Variants in WNK2 observed in about 807,000 individuals in gnomAD.
WNK2 encodes WNK lysine deficient protein kinase 2, also known as serine/threonine-protein kinase WNK2.
A neutral mutation model predicts 192.1 loss-of-function variants in WNK2; 67 were observed. The observed-to-expected ratio is 0.35, with a 90% CI of 0.29 to 0.43. The LOEUF is 0.43. Among genes scored for constraint, WNK2 ranks in the 20% least tolerant of loss-of-function variants. The probability of loss-of-function intolerance (pLI) is 1.00; values close to 1 mark genes in which losing one functional copy is unlikely to be tolerated. For missense variants in WNK2, 2,698 were observed against 3,089.7 expected (o/e 0.87, Z 3.01); for synonymous variants, 1,439 against 1,393.9 (o/e 1.03, Z -0.72).
chr9:93,216,994 C>T (rs1213276565), intron 2 of WNK2, among the ~76,000 whole-genome samples: 1 of 151,162 alleles, frequency 6.6e-6, no homozygotes, highest in African/African-American at 2.4e-5. Context: ...AAGTCTTGCT[C>T]TGTTGCCAGG....
intron 2 of WNK2, among the ~76,000 whole-genome samples, chr9:93,211,267 C>CACACACTCGCACATTT (rs1834609460): frequency 1.1e-5 from 1 of 93,552 alleles, no homozygotes; most frequent in African/African-American, 3.8e-5. Flanking sequence ...TTCACTCATT[C>CACACACTCGCACATTT]ACTCACTCAT....
At chr9:93,226,495 C>T (rs2131927574) in intron 2 of WNK2, among the ~76,000 whole-genome samples, 1 of 151,938 alleles carries the variant, frequency 6.6e-6, no homozygotes, top group East Asian at 1.9e-4. Context: ...GGGTGATTTA[C>T]ATATAATGAA....
intron 7 of WNK2, among the ~76,000 whole-genome samples, chr9:93,242,843 C>T (rs1343459317): frequency 6.6e-6 from 1 of 152,146 alleles, no homozygotes; most frequent in African/African-American, 2.4e-5. Context: ...GAGGTCTGGG[C>T]CAAGGGCAAG....
intron 16 of WNK2, among the ~76,000 whole-genome samples, chr9:93,266,222 G>C (rs998871277): frequency 6.6e-6 from 1 of 152,190 alleles, no homozygotes; most frequent in Admixed American, 6.5e-5. Context: ...CTGTCTTTCT[G>C]TGAGTGTGAG....
chr9:93,201,337 G>A (rs1281009333), intron 2 of WNK2, among the ~76,000 whole-genome samples: 3 of 152,268 alleles, frequency 2.0e-5, no homozygotes, highest in African/African-American at 7.2e-5. Flanking sequence ...GGGGAGTGGG[G>A]ATGGGTCCAG....
chr9:93,316,712 T>A (rs1251315995), intron 28 of WNK2: 2 of 152,328 alleles, frequency 1.3e-5, no homozygotes, highest in East Asian at 1.9e-4. Flanking sequence ...TCCTTCTCTC[T>A]GTCCAGTCTG....
At chr9:93,279,440 T>C (rs1020411122) in intron 19 of WNK2, among the ~76,000 whole-genome samples, 2 of 152,144 alleles carry the variant, frequency 1.3e-5, no homozygotes, top group African/African-American at 4.8e-5. Context: ...TTAAAGAAGA[T>C]CCAAACAAGC....
chr9:93,243,214 C>G (rs754415056), intron 7 of WNK2, among the ~76,000 whole-genome samples: 4 of 152,184 alleles, frequency 2.6e-5, no homozygotes, highest in Admixed American at 1.3e-4. Flanking sequence ...GCCTTTCTAG[C>G]TGCTCCGAAG....
At chr9:93,217,537 G>T (rs1008302841) in intron 2 of WNK2, among the ~76,000 whole-genome samples, 4 of 152,208 alleles carry the variant, frequency 2.6e-5, no homozygotes, top group African/African-American at 9.7e-5. Flanking sequence ...GGCTCTTGCC[G>T]CCAGTTCTGG....
rs1379514631 is a variant in WNK2, at chr9:93,247,784, A to T, written c.1784A>T (p.Asp595Val). 4 of 1,547,974 alleles carry T rather than the reference A, an allele frequency of 2.6e-6. No homozygotes were observed. The highest frequency in any genetic ancestry group is 3.5e-6 in the Non-Finnish European group (4 of 1,148,612). ...GPPEPEEPEA[D>V]QHLLPPTLPT... is the part of the protein sequence containing the mutation. Reference sequence around the variant, plus strand: ...CCAGAGCCCGAGGAGCCGGAGGCCGACCAGCACCTCCTGCCACCTACGTTG... The same window carrying T: ...CCAGAGCCCGAGGAGCCGGAGGCCGTCCAGCACCTCCTGCCACCTACGTTG... Residue 595 changes from aspartate (D) to valine (V), a missense_variant, in exon 8 of 30, where the codon GAC (aspartate) becomes GTC (valine). Around this residue, in one of 7 missense-constraint regions of WNK2, gnomAD observed 893 missense variants for 909.0 expected, o/e 0.98. Transcript: ENST00000427277. This position sits in a 1 kb window ranked among gnomAD's most constrained non-coding sequence, Gnocchi z 5.2.
intron 25 of WNK2, among the ~76,000 whole-genome samples, chr9:93,299,587 T>C (rs1018680247): frequency 1.3e-5 from 2 of 152,088 alleles, no homozygotes; most frequent in Admixed American, 1.3e-4. Context: ...TCCCAGGCAC[T>C]GGCTGCCCCA....
chr9:93,185,253 C>G lies in WNK2; in HGVS notation c.324C>G (p.Pro108=), dbSNP rs1445109864. 2 of 1,261,450 alleles carry G rather than the reference C, an allele frequency of 1.6e-6. No homozygotes were observed. Among genetic ancestry groups the G allele is most frequent in the African/African-American group, 3.2e-5 (2 of 63,412 alleles). The allele number at this position is 1,261,450 out of a possible 1,614,324, so 78.1% of individuals were successfully genotyped here. A position where few individuals can be genotyped will look rare whatever the true frequency, so the allele number is the denominator to read the frequency against. The change falls in exon 2 of 30, where the codon CCC becomes CCG. Residue 108 remains proline (P), a synonymous_variant. Coordinates refer to ENST00000427277, the MANE Select transcript of WNK2 (RefSeq NM_006648.4). ...CGCTGGTAGCGCAGCCGGGAGCCCC[C>G]GGAGCCCCCGCGGACGCCGGCCCCG... is the stretch of plus-strand genomic sequence containing the variant. ...PAALVAQPGA[P]GAPADAGPEP... is the part of the protein sequence containing the mutation.
Position 93,247,151 on chromosome 9 carries a change from C to T in WNK2, c.1543-392C>T, listed in dbSNP as rs576703176. Among the ~76,000 whole-genome samples, 3 of 152,354 alleles carry T rather than the reference C, an allele frequency of 2.0e-5. No homozygotes were observed. Among genetic ancestry groups the T allele is most frequent in the East Asian group, 1.9e-4 (1 of 5,184 alleles). On this transcript the variant is annotated intron_variant, in intron 7 of 29. Coordinates refer to ENST00000427277, the MANE Select transcript of WNK2 (RefSeq NM_006648.4). The surrounding 1 kb of genome is among the most constrained non-coding windows in gnomAD (Gnocchi z 5.2). ...CTTTGGGCAGCCCCAGACTCAGAGA[C>T]GTTTCAGGAAAATGCTAGCTCCAAA...
intron 2 of WNK2, among the ~76,000 whole-genome samples, chr9:93,227,034 G>C (rs1209375086): frequency 6.6e-6 from 1 of 152,138 alleles, no homozygotes; most frequent in African/African-American, 2.4e-5. Flanking sequence ...CTCCTCTGAG[G>C]GCTGCGCCAC....
At position 93,258,959 on chromosome 9, in the gene WNK2, T is replaced by C; in HGVS notation, c.2411T>C (p.Ile804Thr). 1 of 1,612,732 alleles carries C rather than the reference T, an allele frequency of 6.2e-7. No individual in the cohort carries two copies. The highest frequency in any genetic ancestry group is 8.5e-7 in the Non-Finnish European group (1 of 1,179,652). The change falls in exon 12 of 30, where the codon ATC becomes ACC. Residue 804 changes from isoleucine to threonine, a missense_variant. Around this residue, in one of 7 missense-constraint regions of WNK2, gnomAD observed 893 missense variants for 909.0 expected, o/e 0.98. Transcript: ENST00000427277. ...QMPPIPVVPP[I>T]TPLAGIDGLP... ...CCCCCGATTCCTGTTGTGCCCCCCA[T>C]CACGCCCCTGGCGGGAATCGACGGC... is the stretch of plus-strand genomic sequence containing the variant.
At chr9:93,256,714 C>T in intron 10 of WNK2, 1 of 669,582 alleles carries the variant, frequency 1.5e-6, no homozygotes, top group African/African-American at 1.8e-5. Flanking sequence ...TCACTCAGAA[C>T]ATTTCTGCAA....
chr9:93,219,558 G>A (rs1041128015), intron 2 of WNK2, among the ~76,000 whole-genome samples: 2 of 152,236 alleles, frequency 1.3e-5, no homozygotes, highest in Non-Finnish European at 2.9e-5. Context: ...ATTTAAGGAT[G>A]CTGGTCCTTG....
Position 93,308,475 on chromosome 9 carries a change from C to T in WNK2, c.6407C>T (p.Thr2136Met), listed in dbSNP as rs914504311. Residue 2136 changes from threonine to methionine, a missense_variant, in exon 28 of 30, where the codon ACG (threonine) becomes ATG (methionine). By Grantham distance (81) the Thr-to-Met change is moderately conservative. This residue lies in a region of WNK2 where 167 missense variants were observed against 184.2 expected (regional missense o/e 0.91). Transcript: ENST00000427277. ...CTGGTGGACGAGTGGACGAGCAAGA[C>T]GGTGGGGGCCGCGCAGCTGAAGCCC... Reference protein sequence around the residue: ...HKLVDEWTSKTVGAAQLKPTL... With the variant: ...HKLVDEWTSKMVGAAQLKPTL... The T allele has an allele frequency of 7.5e-6, 12 of 1,609,416 alleles. No homozygotes were observed. Among genetic ancestry groups the T allele is most frequent in the South Asian group, 1.1e-5 (1 of 89,724 alleles).
Position 93,318,828 on chromosome 9 carries a change from G to T in WNK2, c.6628+1197G>T, listed in dbSNP as rs984464294. 8 of 1,403,850 alleles carry T rather than the reference G, an allele frequency of 5.7e-6. No homozygotes were observed. In the Admixed American group the frequency reaches 1.8e-4, roughly 31 times the overall value. 87.0% of individuals were successfully genotyped at this position (1,403,850 alleles called of 1,614,324 possible). On this transcript the variant is annotated intron_variant, in intron 29 of 29. Coordinates refer to ENST00000427277, the MANE Select transcript of WNK2 (RefSeq NM_006648.4). ...CCCAGTGGGCACAACACAGCCCTTG[G>T]TGGGAGGGGAAGGCCCCAGCCTCCT...
Sources: gnomAD v4.1 joint callset for allele counts (sites outside exome capture counted in the v4.1 genomes callset) on GRCh38, gnomAD v4.1.1 for gene constraint, gnomAD v4.1.1 regional missense constraint, Gnocchi (gnomAD v3.1) non-coding constraint, MANE v1.5 for transcripts, NCBI Gene and HGNC (gene_info 2026-07-23, HGNC 2026-07-21) for gene names.